The following GLG1 variants were observed in gnomAD, a reference collection of about 807,000 sequenced individuals.
GLG1 encodes the protein Golgi apparatus protein 1.
GLG1 carries 38 observed loss-of-function variants against 160.5 expected under a neutral mutation model. The ratio of observed to expected loss-of-function variants is 0.24; its 90% CI spans 0.18 to 0.31. The LOEUF (loss-of-function observed/expected upper bound fraction) is 0.31, where lower values mean the gene tolerates loss of function less well. Ranked by LOEUF, GLG1 falls within the 10% of genes least tolerant of loss-of-function variation. The probability of loss-of-function intolerance (pLI) is 1.00; values close to 1 mark genes in which losing one functional copy is unlikely to be tolerated. For missense variants in GLG1, 1,373 were observed against 1,505.2 expected, an observed-to-expected ratio of 0.91 and a Z score of 1.45; for synonymous variants, 644 against 543.4, an observed-to-expected ratio of 1.19 and a Z score of -2.57.
At chr16:74,599,137 C>T (rs1040267621) in intron 1 of GLG1, among the ~76,000 whole-genome samples, 2 of 152,106 alleles carry the variant, frequency 1.3e-5, no homozygotes, top group Non-Finnish European at 2.9e-5. Context: ...AACGACAATG[C>T]TACTTTACAG....
At position 74,448,616 on chromosome 16, in the gene GLG1, G is replaced by A. The variant is rs769285313; in HGVS notation, c.*4551C>T. The A allele has an allele frequency of 6.6e-6, 1 of 152,150 alleles. No homozygotes were observed. Among genetic ancestry groups the A allele is most frequent in the Non-Finnish European group, 1.5e-5 (1 of 68,040 alleles). The allele number at this position is 152,150 out of a possible 1,614,324, so 9.4% of individuals were successfully genotyped here. A position where few individuals can be genotyped will look rare whatever the true frequency, so the allele number is the denominator to read the frequency against. On this transcript the variant is annotated 3_prime_UTR_variant, in exon 26 of 26. Coordinates refer to ENST00000422840, the MANE Select transcript of GLG1 (RefSeq NM_001145667.2). Reference sequence around the variant, plus strand: ...AATAAGAAAAAATTATCCAGGCATGGTGGTGCATGCCCGTAATCCCAACTA... The same window carrying A: ...AATAAGAAAAAATTATCCAGGCATGATGGTGCATGCCCGTAATCCCAACTA...
At chr16:74,541,162 A>G (rs1026123962) in intron 1 of GLG1, among the ~76,000 whole-genome samples, 11 of 151,942 alleles carry the variant, frequency 7.2e-5, no homozygotes, top group African/African-American at 2.4e-4. Flanking sequence ...TGTCTCTACT[A>G]AAAATACAAA....
At chr16:74,484,957 G>C (rs894005688) in intron 9 of GLG1, among the ~76,000 whole-genome samples, 3 of 151,868 alleles carry the variant, frequency 2.0e-5, no homozygotes, top group Non-Finnish European at 4.4e-5. Flanking sequence ...TCTGTCATCT[G>C]GGCTGGAGTG....
intron 1 of GLG1, among the ~76,000 whole-genome samples, chr16:74,592,967 C>T (rs898373883): frequency 2.6e-5 from 4 of 152,082 alleles, no homozygotes; most frequent in South Asian, 2.1e-4. Context: ...CCCTTATCTC[C>T]GTGATCCTGG....
At chr16:74,595,510 C>A (rs1027178738) in intron 1 of GLG1, among the ~76,000 whole-genome samples, 21 of 152,210 alleles carry the variant, frequency 1.4e-4, no homozygotes, top group Non-Finnish European at 2.1e-4. Flanking sequence ...GCACTCCCGC[C>A]TGGGCGACAG....
chr16:74,466,491 G>A (rs181640787), intron 18 of GLG1, among the ~76,000 whole-genome samples: 2 of 152,330 alleles, frequency 1.3e-5, no homozygotes, highest in East Asian at 1.9e-4. Flanking sequence ...AGGAAGCCAT[G>A]AGACTTCCGG....
At chr16:74,576,609 C>G (rs973398897) in intron 1 of GLG1, among the ~76,000 whole-genome samples, 2 of 152,216 alleles carry the variant, frequency 1.3e-5, no homozygotes, top group Non-Finnish European at 2.9e-5. Context: ...GGGGCTGGAT[C>G]TGTCCCTTGG....
At chr16:74,569,861 CAAAAAAA>C (rs77923851) in intron 1 of GLG1, among the ~76,000 whole-genome samples, 4 of 76,412 alleles carry the variant, frequency 5.2e-5, no homozygotes, top group African/African-American at 2.0e-4. Context: ...AACTCCAACT[CAAAAAAA>C]AAAAAAGAAA....
intron 1 of GLG1, among the ~76,000 whole-genome samples, chr16:74,579,679 G>A (rs912298660): frequency 2.0e-5 from 3 of 151,704 alleles, no homozygotes; most frequent in African/African-American, 7.3e-5. Flanking sequence ...CTGAGATTGG[G>A]CCACTGCACT....
intron 1 of GLG1, among the ~76,000 whole-genome samples, chr16:74,580,467 C>T (rs1957913896): frequency 6.6e-6 from 1 of 152,096 alleles, no homozygotes. Flanking sequence ...CCATTACACT[C>T]CAGCATAGGA....
At chr16:74,579,054 A>T (rs1482599304) in intron 1 of GLG1, among the ~76,000 whole-genome samples, 1 of 152,198 alleles carries the variant, frequency 6.6e-6, no homozygotes. Flanking sequence ...AGTTGCAATA[A>T]CGTACACAAG....
chr16:74,539,983 AATATATATATATTTT>A (rs1226895192), intron 1 of GLG1, among the ~76,000 whole-genome samples: 1 of 2,402 alleles, frequency 4.2e-4, no homozygotes, highest in African/African-American at 6.4e-4. Flanking sequence ...AACAAATACA[AATATATATATATTTT>A]ATATATATAT....
At chr16:74,537,716 A>C (rs1337858488) in intron 1 of GLG1, among the ~76,000 whole-genome samples, 1 of 146,150 alleles carries the variant, frequency 6.8e-6, no homozygotes, top group Non-Finnish European at 1.5e-5. Context: ...TGTGGAATTT[A>C]AAAATGTACT....
Position 74,606,713 on chromosome 16 carries a change from T to C in GLG1, c.382A>G (p.Lys128Glu), listed in dbSNP as rs760724849. The stretch of plus-strand genomic sequence containing the variant: ...GCCAGGTTGTTGCTCCAGGTGTGCT[T>C]AGGGCACACGCGGGTCACGTCCTCC... The part of the protein sequence containing the change: ...CREDVTRVCP[K>E]HTWSNNLAVL... Residue 128 changes from lysine to glutamate, a missense_variant, in exon 1 of 26, where the codon AAG (lysine) becomes GAG (glutamate). By Grantham distance (56) the Lys-to-Glu change is moderately conservative (BLOSUM62 1). Around this residue, in one of 4 missense-constraint regions of GLG1, gnomAD observed 322 missense variants for 254.6 expected, o/e 1.26. Coordinates refer to ENST00000422840, the MANE Select transcript of GLG1 (RefSeq NM_001145667.2). 2.5e-6 allele frequency: 4 copies of C among 1,612,064 alleles called. No homozygotes were observed. Among genetic ancestry groups the C allele is most frequent in the Admixed American group, 1.7e-5 (1 of 59,854 alleles).
intron 15 of GLG1, among the ~76,000 whole-genome samples, chr16:74,470,302 TTCCCTCCC>T (rs1470884272): frequency 6.9e-6 from 1 of 145,936 alleles, no homozygotes; most frequent in African/African-American, 2.6e-5. Flanking sequence ...CCTTCCTTCC[TTCCCTCCC>T]TCCCTCCTTC....
chr16:74,601,208 G>C (rs1254110717), intron 1 of GLG1, among the ~76,000 whole-genome samples: 1 of 151,986 alleles, frequency 6.6e-6, no homozygotes, highest in Non-Finnish European at 1.5e-5. Flanking sequence ...TATAATCCTA[G>C]AAACTTTACA....
At chr16:74,605,815 C>T (rs1259118074) in intron 1 of GLG1, among the ~76,000 whole-genome samples, 1 of 152,008 alleles carries the variant, frequency 6.6e-6, no homozygotes, top group Admixed American at 6.6e-5. Flanking sequence ...TTTTATATAC[C>T]TACACCTCTG....
intron 2 of GLG1, among the ~76,000 whole-genome samples, chr16:74,516,147 G>A (rs1381708667): frequency 6.6e-6 from 1 of 151,494 alleles, no homozygotes; most frequent in South Asian, 2.1e-4. Context: ...ACAGATCAAC[G>A]AGACAGAAAG....
At chr16:74,514,453 C>G (rs2016914836) in intron 2 of GLG1, among the ~76,000 whole-genome samples, 1 of 152,166 alleles carries the variant, frequency 6.6e-6, no homozygotes, top group South Asian at 2.1e-4. Flanking sequence ...TTGCAGAAAC[C>G]CTACAAGCAA....
Sources: gnomAD v4.1 joint callset for allele counts (sites outside exome capture counted in the v4.1 genomes callset) on GRCh38, gnomAD v4.1.1 for gene constraint, gnomAD v4.1.1 regional missense constraint, MANE v1.5 for transcripts, NCBI Gene and HGNC (gene_info 2026-07-23, HGNC 2026-07-21) for gene names.